Variants in LARS1 observed in about 807,000 individuals in gnomAD.
LARS1 encodes the protein leucyl-tRNA synthetase 1.
Under a neutral mutation model 162.8 loss-of-function variants are expected in LARS1, and 100 were observed. The observed-to-expected ratio is 0.61, with a 90% CI of 0.52 to 0.73. The LOEUF (loss-of-function observed/expected upper bound fraction) is 0.73. LARS1 is among the 30% of genes least tolerant of loss of function. The pLI, the probability that LARS1 is intolerant of heterozygous loss-of-function variation, is 0.00. For synonymous variants in LARS1, 457 were observed against 462.8 expected (o/e 0.99, Z 0.16); for missense variants, 1,258 against 1,408.9 (o/e 0.89, Z 1.71).
chr5:146,141,041 ATAGAG>A (rs1447645553), intron 20 of LARS1, among the ~76,000 whole-genome samples: 2 of 152,220 alleles, frequency 1.3e-5, no homozygotes, highest in Admixed American at 6.5e-5. Flanking sequence ...ATTTTGGGAA[ATAGAG>A]TAGTGTGCAG....
chr5:146,117,293 C>A (rs531683784), intron 31 of LARS1, among the ~76,000 whole-genome samples: 1 of 151,960 alleles, frequency 6.6e-6, no homozygotes, highest in African/African-American at 2.4e-5. Context: ...GAAATACATC[C>A]TTTTATGTGC....
rs896850977 is a variant in LARS1, at chr5:146,179,704, A to G, written c.7-2039T>C. On this transcript the variant is annotated intron_variant, in intron 1 of 31. Coordinates refer to ENST00000394434, the MANE Select transcript of LARS1 (RefSeq NM_020117.11). ...AGCCTTGACCTACTGGGCTCAATCAATCTTCCCATCTCAGCCTCCTGAATA... is the reference window on the plus strand; with the variant it reads ...AGCCTTGACCTACTGGGCTCAATCAGTCTTCCCATCTCAGCCTCCTGAATA... 53 of 436,022 alleles carry G rather than the reference A, an allele frequency of 1.2e-4. No homozygotes were observed. The Admixed American group carries it at 1.2e-3, about 10-fold the overall frequency. The allele number at this position is 436,022 out of a possible 1,614,324, so 27.0% of individuals were successfully genotyped here.
intron 2 of LARS1, among the ~76,000 whole-genome samples, chr5:146,176,018 G>A (rs1217189906): frequency 1.3e-5 from 2 of 152,144 alleles, no homozygotes; most frequent in Middle Eastern, 3.4e-3. Context: ...CAGGCATGGT[G>A]GCGCATGCCT....
chr5:146,167,406 A>T (rs1442330542), intron 5 of LARS1, among the ~76,000 whole-genome samples: 3 of 145,184 alleles, frequency 2.1e-5, no homozygotes, highest in African/African-American at 7.5e-5. Flanking sequence ...CAGAAAGATA[A>T]TTTTTTTTTT....
intron 8 of LARS1, among the ~76,000 whole-genome samples, chr5:146,158,627 G>A (rs1753632254): frequency 1.3e-5 from 2 of 152,100 alleles, no homozygotes; most frequent in Non-Finnish European, 2.9e-5. Context: ...GAATTACTTT[G>A]GAAATAAGCA....
chr5:146,175,704 T>C (rs1293838461), intron 2 of LARS1, among the ~76,000 whole-genome samples: 3 of 151,624 alleles, frequency 2.0e-5, no homozygotes, highest in Non-Finnish European at 4.4e-5. Flanking sequence ...GGCAGCCGCC[T>C]GTAGTTCCAG....
At chr5:146,141,683 G>T (rs1217085227) in intron 20 of LARS1, among the ~76,000 whole-genome samples, 1 of 151,998 alleles carries the variant, frequency 6.6e-6, no homozygotes, top group Non-Finnish European at 1.5e-5. Context: ...CATGTGGCTA[G>T]TCCCAGCTAC....
At chr5:146,158,843 T>C (rs1031516954) in intron 8 of LARS1, among the ~76,000 whole-genome samples, 1 of 152,156 alleles carries the variant, frequency 6.6e-6, no homozygotes, top group Non-Finnish European at 1.5e-5. Flanking sequence ...ACGCCTGTAA[T>C]CTCAGCACTT....
intron 3 of LARS1, 54 bp downstream of exon 3, chr5:146,172,633 C>A: frequency 9.7e-7 from 1 of 1,036,212 alleles, no homozygotes; most frequent in Middle Eastern, 2.1e-4. Flanking sequence ...TTCTTCAAAA[C>A]AATATTCGTT....
intron 14 of LARS1, among the ~76,000 whole-genome samples, chr5:146,150,216 A>G (rs1182496015): frequency 6.6e-6 from 1 of 152,178 alleles, no homozygotes; most frequent in Non-Finnish European, 1.5e-5. Context: ...GTATTAGCTT[A>G]TCCATTGTTG....
Position 146,171,913 on chromosome 5 carries a change from A to AT in LARS1, c.290_291insA (p.Lys98Ter), listed in dbSNP as rs753863831. On this transcript the variant is annotated frameshift_variant, in exon 4 of 32. Coordinates refer to ENST00000394434, the MANE Select transcript of LARS1 (RefSeq NM_020117.11). LOFTEE classifies it high-confidence loss of function. ...CCAATCCTATTAGCGATCTTACCTT[A>AT]ATAGGCATTCCAGTACAGTGCAGGC... The AT allele has an allele frequency of 6.2e-7, 1 of 1,611,078 alleles. No individual in the cohort carries two copies. The highest frequency in any genetic ancestry group is 2.2e-5 in the East Asian group (1 of 44,804).
At chr5:146,137,751 A>C in intron 21 of LARS1, 1 of 297,450 alleles carries the variant, frequency 3.4e-6, no homozygotes, top group Non-Finnish European at 6.7e-6. Context: ...TTCTAAAAGG[A>C]AATATGGCTG....
chr5:146,124,079 A>G lies in LARS1; in HGVS notation c.2999T>C (p.Leu1000Pro). The change falls in exon 29 of 32, where the codon CTG becomes CCG. Residue 1000 changes from leucine to proline, a missense_variant. Coordinates refer to ENST00000394434, the MANE Select transcript of LARS1 (RefSeq NM_020117.11). ...CAGAATACGAGGCCCCATCTTCTCC[A>G]GATTTTCCTAATAGCCAAAATGGTA... Reference protein sequence around the residue: ...MPFVAMIKENLEKMGPRILDL... With the variant: ...MPFVAMIKENPEKMGPRILDL... The G allele has an allele frequency of 6.2e-7, 1 of 1,604,702 alleles. No homozygotes were observed. The highest frequency in any genetic ancestry group is 1.7e-5 in the Admixed American group (1 of 59,824).
chr5:146,115,772 TTA>T (rs1764179231), intron 31 of LARS1, among the ~76,000 whole-genome samples: 1 of 152,126 alleles, frequency 6.6e-6, no homozygotes. Context: ...GATTCTGGGT[TTA>T]TATCTCATTC....
chr5:146,115,654 C>CA (rs1554125626), intron 31 of LARS1, among the ~76,000 whole-genome samples: 1 of 138,384 alleles, frequency 7.2e-6, no homozygotes, highest in Non-Finnish European at 1.5e-5. Flanking sequence ...ATCCTGCCAA[C>CA]AACTGAGCCC....
chr5:146,175,700 C>T (rs771500201), intron 2 of LARS1, among the ~76,000 whole-genome samples: 27 of 151,450 alleles, frequency 1.8e-4, no homozygotes, highest in Non-Finnish European at 1.9e-4. Context: ...TGGTGGCAGC[C>T]GCCTGTAGTT....
intron 31 of LARS1, 46 bp from the exon 32 acceptor site, chr5:146,114,357 TC>T: frequency 6.7e-7 from 1 of 1,487,400 alleles, no homozygotes; most frequent in Non-Finnish European, 9.3e-7. Flanking sequence ...TTACAGTCAC[TC>T]AAACCCTGGA....
At chr5:146,138,949 CT>C in intron 21 of LARS1, 1 of 364,446 alleles carries the variant, frequency 2.7e-6, no homozygotes, top group South Asian at 2.3e-5. Flanking sequence ...CCTAAACAAT[CT>C]TCCTGCTAAG....
In LARS1 at chr5:146,179,017, A is replaced by C. The variant is rs1021067583; in HGVS notation, c.7-1352T>G. 7.2e-5 allele frequency among the ~76,000 whole-genome samples: 11 copies of C among 152,236 alleles called. No individual in the cohort carries two copies. In the East Asian group the frequency reaches 1.6e-3, roughly 22 times the overall value. On this transcript the variant is annotated intron_variant, in intron 1 of 31. Coordinates refer to ENST00000394434, the MANE Select transcript of LARS1 (RefSeq NM_020117.11). ...GAGGCCGAGGCAGGTGGATCACCTG[A>C]GGCTACGAGTTCAAGACCAGCCTGG...
Sources: allele counts gnomAD v4.1 joint callset (sites outside exome capture counted in the v4.1 genomes callset), GRCh38; gene constraint gnomAD v4.1.1; transcripts MANE v1.5; gene names NCBI Gene and HGNC (gene_info 2026-07-23, HGNC 2026-07-21).